Variants in GSK3B observed in about 807,000 individuals in gnomAD.
GSK3B encodes glycogen synthase kinase 3 beta.
A neutral mutation model predicts 56.4 loss-of-function variants in GSK3B; 15 were observed. That is an observed-to-expected ratio of 0.27 (90% CI 0.18 to 0.41). GSK3B has a LOEUF of 0.41. Among genes scored for constraint, GSK3B ranks in the 10% least tolerant of loss-of-function variants. The pLI is 1.00. For missense variants in GSK3B, 300 were observed against 513.4 expected (o/e 0.58, Z 4.02); for synonymous variants, 181 against 188.9 (o/e 0.96, Z 0.34).
intron 10 of GSK3B, 54 bp downstream of exon 10, chr3:119,843,201 C>T: frequency 8.8e-7 from 1 of 1,138,346 alleles, no homozygotes; most frequent in East Asian, 2.6e-5. Flanking sequence ...AGGTGTGAGC[C>T]ATCATGCCCA....
chr3:119,962,442 T>C (rs564986590), intron 2 of GSK3B, among the ~76,000 whole-genome samples: 5 of 149,630 alleles, frequency 3.3e-5, no homozygotes, highest in African/African-American at 7.4e-5. Context: ...TACACAACAG[T>C]GAAAAACAGA....
intron 1 of GSK3B, among the ~76,000 whole-genome samples, chr3:120,069,093 T>C (rs373346091): frequency 2.0e-5 from 3 of 152,336 alleles, no homozygotes; most frequent in East Asian, 1.9e-4. Context: ...TTCCCTTCCC[T>C]TGCCCTGGGT....
chr3:120,057,760 T>A (rs886443977), intron 1 of GSK3B, among the ~76,000 whole-genome samples: 2 of 152,136 alleles, frequency 1.3e-5, no homozygotes, highest in African/African-American at 2.4e-5. Context: ...CAAAACCCTA[T>A]GACATAGGCT....
chr3:120,051,925 C>T (rs1411820431), intron 1 of GSK3B, among the ~76,000 whole-genome samples: 4 of 152,186 alleles, frequency 2.6e-5, no homozygotes, highest in African/African-American at 9.7e-5. Context: ...CAGCTATCAA[C>T]AAAAGTAAAA....
intron 5 of GSK3B, 115 bp from the exon 6 acceptor site, chr3:119,912,925 G>A: frequency 2.1e-6 from 1 of 470,744 alleles, no homozygotes; most frequent in Non-Finnish European, 3.8e-6. Flanking sequence ...CACATCATTT[G>A]AATCATATAT....
At chr3:119,985,852 A>G (rs1351829305) in intron 2 of GSK3B, among the ~76,000 whole-genome samples, 2 of 152,234 alleles carry the variant, frequency 1.3e-5, no homozygotes, top group Admixed American at 1.3e-4. Flanking sequence ...TTCATATTGA[A>G]TCAAAAAAGA....
chr3:119,931,425 G>A (rs1576208999), intron 3 of GSK3B, among the ~76,000 whole-genome samples: 1 of 152,156 alleles, frequency 6.6e-6, no homozygotes, highest in African/African-American at 2.4e-5. Context: ...ACACCAGCCT[G>A]GGCAACATGG....
At chr3:119,984,867 C>A (rs1287933667) in intron 2 of GSK3B, among the ~76,000 whole-genome samples, 1 of 152,154 alleles carries the variant, frequency 6.6e-6, no homozygotes, top group East Asian at 1.9e-4. Context: ...GATACCAAAA[C>A]CTGGCAGAGA....
At chr3:119,946,542 G>A (rs1336028493) in intron 3 of GSK3B, among the ~76,000 whole-genome samples, 1 of 152,088 alleles carries the variant, frequency 6.6e-6, no homozygotes, top group African/African-American at 2.4e-5. Flanking sequence ...TTTGTTACCT[G>A]CCCTGCGTAT....
chr3:120,024,462 T>C (rs2057906927), intron 1 of GSK3B, among the ~76,000 whole-genome samples: 1 of 152,238 alleles, frequency 6.6e-6, no homozygotes, highest in Non-Finnish European at 1.5e-5. Context: ...AGTTAACTAC[T>C]AATTTTCTAT....
rs144461627 is a variant in GSK3B, at chr3:119,947,889, A to G, written c.283-538T>C. Among the ~76,000 whole-genome samples the G allele has an allele frequency of 4.1e-3, 619 of 150,642 alleles. 1 individual carries two copies. The highest frequency in any genetic ancestry group is 0.014 in the African/African-American group (584 of 41,156). Reference sequence around the variant, plus strand: ...CTCCATCTCAAAAAAAAAAAAAAAGAAAGAAAAGAAAAGAAATTATACAGT... The same window carrying G: ...CTCCATCTCAAAAAAAAAAAAAAAGGAAGAAAAGAAAAGAAATTATACAGT... On this transcript the variant is annotated intron_variant, in intron 2 of 10. Coordinates refer to ENST00000264235, the MANE Select transcript of GSK3B (RefSeq NM_001146156.2).
Position 119,863,163 on chromosome 3 carries a change from A to G in GSK3B, c.1096+256T>C, listed in dbSNP as rs528194120. 9.8e-5 allele frequency among the ~76,000 whole-genome samples: 15 copies of G among 152,366 alleles called. No homozygotes were observed. The East Asian group carries it at 2.7e-3, about 27-fold the overall frequency. ...AAACTTCACTCACTGAACTCTCTGT[A>G]ACTTCTCATGTGCCAACATTATATT... On this transcript the variant is annotated intron_variant, in intron 9 of 10. Transcript: ENST00000264235.
chr3:119,878,873 T>C (rs1200880544), intron 7 of GSK3B, among the ~76,000 whole-genome samples: 1 of 152,162 alleles, frequency 6.6e-6, no homozygotes, highest in Non-Finnish European at 1.5e-5. Context: ...GGAATTCTAG[T>C]AAATTTTCTA....
chr3:120,065,745 G>A (rs2058272680), intron 1 of GSK3B, among the ~76,000 whole-genome samples: 1 of 152,114 alleles, frequency 6.6e-6, no homozygotes, highest in Non-Finnish European at 1.5e-5. Context: ...TGTAATATAT[G>A]CATACAATGG....
intron 1 of GSK3B, among the ~76,000 whole-genome samples, chr3:120,058,315 A>T (rs1243746169): frequency 6.6e-6 from 1 of 152,186 alleles, no homozygotes; most frequent in Admixed American, 6.5e-5. Context: ...TCAGTAATCA[A>T]TGTAAAACTT....
chr3:120,039,716 C>A (rs562722435), intron 1 of GSK3B, among the ~76,000 whole-genome samples: 2 of 152,200 alleles, frequency 1.3e-5, no homozygotes, highest in Non-Finnish European at 2.9e-5. Context: ...CCAGCCCATG[C>A]GGGAGTGACA....
chr3:120,033,504 C>G (rs1281130356), intron 1 of GSK3B, among the ~76,000 whole-genome samples: 1 of 152,166 alleles, frequency 6.6e-6, no homozygotes, highest in Non-Finnish European at 1.5e-5. Context: ...CTTTTTTATT[C>G]TAGCCATCCT....
intron 6 of GSK3B, among the ~76,000 whole-genome samples, chr3:119,909,803 G>T (rs1384361708): frequency 6.6e-6 from 1 of 151,900 alleles, no homozygotes; most frequent in African/African-American, 2.4e-5. Context: ...GGTCAATGAT[G>T]ATTAAAGCTA....
At chr3:119,875,996 C>A (rs1486838295) in intron 8 of GSK3B, among the ~76,000 whole-genome samples, 1 of 151,822 alleles carries the variant, frequency 6.6e-6, no homozygotes, top group East Asian at 1.9e-4. Context: ...ACACAAAATG[C>A]CATCTATAAT....
Sources: gnomAD v4.1 joint callset for allele counts (sites outside exome capture counted in the v4.1 genomes callset) on GRCh38, gnomAD v4.1.1 for gene constraint, MANE v1.5 for transcripts, NCBI Gene and HGNC (gene_info 2026-07-23, HGNC 2026-07-21) for gene names.